HDAC8: variants seen among roughly 807,000 people sequenced by gnomAD.
The protein encoded by HDAC8 is histone deacetylase-like 1.
HDAC8 carries 1 observed loss-of-function variant against 32.2 expected under a neutral mutation model. That is an observed-to-expected ratio of 0.03 (90% CI 0.01 to 0.15). The LOEUF (loss-of-function observed/expected upper bound fraction) is 0.15. Among genes scored for constraint, HDAC8 ranks in the 10% least tolerant of loss-of-function variants. The pLI is 1.00. For synonymous variants in HDAC8, 108 were observed against 113.9 expected, an observed-to-expected ratio of 0.95 and a Z score of 0.33; for missense variants, 117 against 300.0, an observed-to-expected ratio of 0.39 and a Z score of 4.51.
chrX:72,507,818 TTTG>T (rs1165130058), intron 4 of HDAC8, among the ~76,000 whole-genome samples: 1 of 112,291 alleles, frequency 8.9e-6, no homozygotes, highest in East Asian at 2.8e-4. Context: ...TGGCAGTTGT[TTTG>T]TTTTTGTTTT....
chrX:72,442,146 T>C (rs1447031655), intron 9 of HDAC8, among the ~76,000 whole-genome samples: 3 of 110,809 alleles, frequency 2.7e-5, no homozygotes, highest in East Asian at 2.8e-4. Flanking sequence ...CCCAATCTAG[T>C]AAGGCAGGCC....
intron 9 of HDAC8, among the ~76,000 whole-genome samples, chrX:72,390,495 A>C (rs2147850303): frequency 8.9e-6 from 1 of 112,069 alleles, no homozygotes; most frequent in Non-Finnish European, 1.9e-5. Context: ...TAGCTATTTT[A>C]TTTACTTCAG....
At chrX:72,529,574 G>T (rs1028190012) in intron 4 of HDAC8, among the ~76,000 whole-genome samples, 8 of 112,311 alleles carry the variant, frequency 7.1e-5, no homozygotes, top group African/African-American at 2.3e-4. Flanking sequence ...ACTCATTTCA[G>T]ACACCTGGCT....
At chrX:72,438,550 A>G (rs2047021494) in intron 9 of HDAC8, among the ~76,000 whole-genome samples, 2 of 111,589 alleles carry the variant, frequency 1.8e-5, no homozygotes, top group Middle Eastern at 4.2e-3. Context: ...CAATGCAAGG[A>G]AGCTAAGAAC....
intron 7 of HDAC8, chrX:72,473,371 T>G (rs2048240092): frequency 8.9e-6 from 1 of 112,239 alleles, no homozygotes; most frequent in South Asian, 3.7e-4. Context: ...TAGCTTAAAT[T>G]TTATCTCCTC....
chrX:72,546,806 A>G (rs1474233307), intron 4 of HDAC8, among the ~76,000 whole-genome samples: 1 of 110,742 alleles, frequency 9.0e-6, no homozygotes, highest in Non-Finnish European at 1.9e-5. Context: ...CCTTTACCAC[A>G]CTCATTCTTG....
chrX:72,332,309 G>A (rs2043547016), intron 10 of HDAC8, among the ~76,000 whole-genome samples: 2 of 112,587 alleles, frequency 1.8e-5, no homozygotes, highest in Middle Eastern at 9.1e-3. Context: ...CAGAATAATT[G>A]CTGGGAGGTA....
chrX:72,465,455 GA>G (rs1555993824), intron 7 of HDAC8, among the ~76,000 whole-genome samples: 2 of 109,325 alleles, frequency 1.8e-5, no homozygotes, highest in Non-Finnish European at 3.8e-5. Flanking sequence ...CCTTGTAGAT[GA>G]AAAGGAAGAT....
At chrX:72,433,783 G>T (rs954262202) in intron 9 of HDAC8, among the ~76,000 whole-genome samples, 2 of 111,992 alleles carry the variant, frequency 1.8e-5, no homozygotes, top group African/African-American at 6.5e-5. Flanking sequence ...CCTGGAGGTT[G>T]TCCTTTAGAA....
chrX:72,569,537 C>A (rs1246965412), intron 2 of HDAC8, among the ~76,000 whole-genome samples: 3 of 112,265 alleles, frequency 2.7e-5, no homozygotes, highest in African/African-American at 6.5e-5. Flanking sequence ...ATGGGCAACC[C>A]AAAATGTAAT....
intron 10 of HDAC8, among the ~76,000 whole-genome samples, chrX:72,333,823 C>T (rs1171232853): frequency 1.8e-5 from 2 of 111,677 alleles, no homozygotes; most frequent in African/African-American, 6.5e-5. Context: ...GTTGCCTCAG[C>T]TGAGGACAAC....
chrX:72,497,116 C>T lies in HDAC8; in HGVS notation c.438-1848G>A, dbSNP rs1020692814. Among the ~76,000 whole-genome samples the T allele has an allele frequency of 4.5e-5, 5 of 111,408 alleles. 1 individual carries two copies. Among genetic ancestry groups the T allele is most frequent in the African/African-American group, 1.6e-4 (5 of 30,681 alleles). ...ACCTGCCTCCATTAAGCAGGTGGCC[C>T]CCTTCCTTTTCTTTAAGATGTTCCT... On this transcript the variant is annotated intron_variant, in intron 4 of 10. Transcript: ENST00000373573.
Position 72,329,804 on chromosome X carries a change from G to T in HDAC8, c.*250C>A, listed in dbSNP as rs2043467925. 5.6e-6 allele frequency: 6 copies of T among 1,063,294 alleles called. No individual in the cohort carries two copies. The highest frequency in any genetic ancestry group is 2.1e-5 in the South Asian group (1 of 47,612). 87.6% of individuals were successfully genotyped at this position (1,063,294 alleles called of 1,213,427 possible). ...TTAAAAATTTCATTTGTGTGTGTGT[G>T]TTTTTTTAAATAAGAACTTTAAATG... On this transcript the variant is annotated 3_prime_UTR_variant, in exon 11 of 11. Coordinates refer to ENST00000373573, the MANE Select transcript of HDAC8 (RefSeq NM_018486.3).
intron 9 of HDAC8, among the ~76,000 whole-genome samples, chrX:72,425,126 A>G (rs1189095813): frequency 8.9e-6 from 1 of 111,920 alleles, no homozygotes; most frequent in Admixed American, 9.5e-5. Context: ...AGGAACTGCC[A>G]ACCTATTTTC....
intron 10 of HDAC8, among the ~76,000 whole-genome samples, chrX:72,333,929 T>C (rs1483855074): frequency 7.2e-5 from 8 of 111,432 alleles, no homozygotes; most frequent in Admixed American, 5.7e-4. Context: ...CAAAATTCCA[T>C]GTCAAAGCAT....
intron 9 of HDAC8, among the ~76,000 whole-genome samples, chrX:72,389,956 TA>T (rs1235148018): frequency 8.9e-6 from 1 of 112,051 alleles, no homozygotes; most frequent in East Asian, 2.8e-4. Flanking sequence ...TATTTTTTAT[TA>T]TTTTTTTAGT....
At position 72,468,974 on chromosome X, in the gene HDAC8, T is replaced by A. The variant is rs188000168; in HGVS notation, c.738-4243A>T. 1.5e-4 allele frequency among the ~76,000 whole-genome samples: 17 copies of A among 111,697 alleles called. 1 individual carries two copies. Among genetic ancestry groups the A allele is most frequent in the Non-Finnish European group, 9.4e-5 (5 of 53,164 alleles). On this transcript the variant is annotated intron_variant, in intron 7 of 10. Transcript: ENST00000373573. ...CTTTTCAACAATAGTGATGTCCACC[T>A]GCACTCTACTTTATTCCTTGTCATA...
chrX:72,343,933 A>G (rs781867132), intron 10 of HDAC8, among the ~76,000 whole-genome samples: 1 of 113,086 alleles, frequency 8.8e-6, no homozygotes, highest in South Asian at 3.6e-4. Flanking sequence ...CAGAGTAGAA[A>G]GTCAGGACTT....
chrX:72,419,048 C>T (rs915235274), intron 9 of HDAC8, among the ~76,000 whole-genome samples: 2 of 111,652 alleles, frequency 1.8e-5, no homozygotes, highest in South Asian at 3.7e-4. Flanking sequence ...CTTTGTATTA[C>T]GTTTTGAAAT....
Sources: allele counts gnomAD v4.1 joint callset (sites outside exome capture counted in the v4.1 genomes callset), GRCh38; gene constraint gnomAD v4.1.1; transcripts MANE v1.5; gene names NCBI Gene and HGNC (gene_info 2026-07-23, HGNC 2026-07-21).